The following CALN1 variants were observed in gnomAD, a reference collection of about 807,000 sequenced individuals.
The protein encoded by CALN1 is calcium-binding protein 8.
CALN1 carries 17 observed loss-of-function variants against 30.6 expected under a neutral mutation model. That is an observed-to-expected ratio of 0.56 (90% CI 0.38 to 0.83). CALN1 has a LOEUF of 0.83. CALN1 is among the 40% of genes least tolerant of loss of function. CALN1 has a pLI of 0.00. For missense variants in CALN1, 291 were observed against 354.9 expected (o/e 0.82, Z 1.45); for synonymous variants, 156 against 131.4 (o/e 1.19, Z -1.28).
chr7:72,402,840 T>TTGA (rs1806434029), intron 2 of CALN1, among the ~76,000 whole-genome samples: 1 of 152,216 alleles, frequency 6.6e-6, no homozygotes, highest in South Asian at 2.1e-4. Flanking sequence ...TCAGTCAAGC[T>TTGA]GCCTGTTTGT....
At chr7:72,163,125 A>T (rs888572834) in intron 3 of CALN1, among the ~76,000 whole-genome samples, 11 of 152,200 alleles carry the variant, frequency 7.2e-5, no homozygotes, top group African/African-American at 2.2e-4. Context: ...AGATTGGCAA[A>T]ACGTTTGGAA....
chr7:72,053,882 T>C (rs116449217), intron 4 of CALN1, among the ~76,000 whole-genome samples: 4 of 147,778 alleles, frequency 2.7e-5, no homozygotes, highest in African/African-American at 9.9e-5. Context: ...GGTGAGAACA[T>C]ACGATGCTTA....
At chr7:72,363,057 G>A (rs1261802458) in intron 2 of CALN1, among the ~76,000 whole-genome samples, 1 of 152,100 alleles carries the variant, frequency 6.6e-6, no homozygotes, top group Non-Finnish European at 1.5e-5. Flanking sequence ...AGTTCAGGGG[G>A]TACATGTGAA....
intron 4 of CALN1, among the ~76,000 whole-genome samples, chr7:72,103,500 T>C (rs150270715): frequency 1.3e-4 from 20 of 152,288 alleles, no homozygotes; most frequent in South Asian, 4.2e-4. Context: ...GCTCTACTTA[T>C]GGGGCTACTT....
intron 3 of CALN1, among the ~76,000 whole-genome samples, chr7:72,106,939 GA>G (rs1428884317): frequency 2.0e-5 from 3 of 146,846 alleles, no homozygotes; most frequent in Non-Finnish European, 4.5e-5. Context: ...GGCAGACAAG[GA>G]AAAAAAGAAA....
At chr7:72,472,491 GGT>G in the CALN1 span, among the ~76,000 whole-genome samples, 3 of 152,106 alleles carry the variant, frequency 2.0e-5, no homozygotes, top group Admixed American at 2.0e-4. Context: ...TGCAACGAAA[GGT>G]GTGTCTCGAG....
chr7:72,034,795 CAAAAAAAAAAA>C (rs57756121), intron 4 of CALN1, among the ~76,000 whole-genome samples: 3 of 52,632 alleles, frequency 5.7e-5, no homozygotes, highest in Admixed American at 2.5e-4. Context: ...GACTCTGTCT[CAAAAAAAAAAA>C]AAAAAAAAAA....
Position 72,429,018 on chromosome 7 carries a change from G to C in CALN1, c.-225-16743C>G, listed in dbSNP as rs566392190. Among the ~76,000 whole-genome samples, 6 of 152,244 alleles carry C rather than the reference G, an allele frequency of 3.9e-5. No individual in the cohort carries two copies. The South Asian group carries it at 1.2e-3, about 32-fold the overall frequency. ...CAAATAGACATTTCAGCTGCTGTCC[G>C]GCCTGGCTAACTTGGTACTAAAACA... is the stretch of plus-strand genomic sequence containing the variant. On this transcript the variant is annotated intron_variant, in intron 1 of 6. Transcript: ENST00000395276.
At chr7:72,173,332 T>C (rs1249910587) in intron 3 of CALN1, among the ~76,000 whole-genome samples, 1 of 152,136 alleles carries the variant, frequency 6.6e-6, no homozygotes, top group African/African-American at 2.4e-5. Flanking sequence ...TGAATATATA[T>C]ATATATCATG....
chr7:72,261,487 C>T (rs928974944), intron 3 of CALN1, among the ~76,000 whole-genome samples: 10 of 151,558 alleles, frequency 6.6e-5, no homozygotes, highest in African/African-American at 1.2e-4. Context: ...GGCTGGAGTG[C>T]GATCATAGCT....
chr7:72,291,051 G>A (rs915816699), intron 2 of CALN1, among the ~76,000 whole-genome samples: 1 of 151,774 alleles, frequency 6.6e-6, no homozygotes, highest in Non-Finnish European at 1.5e-5. Context: ...AGCATTCCAA[G>A]TAGCTGGGAT....
At chr7:72,168,397 T>C (rs180915468) in intron 3 of CALN1, among the ~76,000 whole-genome samples, 2 of 152,274 alleles carry the variant, frequency 1.3e-5, no homozygotes, top group South Asian at 2.1e-4. Context: ...ATGCAGAAAA[T>C]TGCATGCATA....
At position 71,821,788 on chromosome 7, in the gene CALN1, C is replaced by T. The variant is rs6969499; in HGVS notation, c.502-11296G>A. Among the ~76,000 whole-genome samples the T allele has an allele frequency of 1.8e-3, 168 of 95,786 alleles. 2 individuals carry two copies. The highest frequency in any genetic ancestry group is 9.2e-3 in the East Asian group (8 of 874). The allele number at this position is 95,786 out of a possible 152,430, so 62.8% of individuals were successfully genotyped here. On this transcript the variant is annotated intron_variant, in intron 5 of 6. Transcript: ENST00000395275. ...TGTGAATTCTGCTAAATGTTTCTTTCTTTTTTTTTTTTTTTTTGAGTCAGG... is the reference window on the plus strand; with the variant it reads ...TGTGAATTCTGCTAAATGTTTCTTTTTTTTTTTTTTTTTTTTTGAGTCAGG...
At chr7:72,370,118 G>A (rs1386622462) in intron 2 of CALN1, among the ~76,000 whole-genome samples, 1 of 152,086 alleles carries the variant, frequency 6.6e-6, no homozygotes, top group Non-Finnish European at 1.5e-5. Flanking sequence ...ACTCTACATT[G>A]TCACCAGAAC....
At chr7:72,320,813 C>T (rs541736111) in intron 2 of CALN1, among the ~76,000 whole-genome samples, 26 of 123,586 alleles carry the variant, frequency 2.1e-4, no homozygotes, top group South Asian at 1.6e-3. Flanking sequence ...CTAGCCTGGG[C>T]GACAGAGCGA....
At chr7:72,391,090 G>A (rs556539771) in intron 2 of CALN1, among the ~76,000 whole-genome samples, 2 of 152,230 alleles carry the variant, frequency 1.3e-5, no homozygotes, top group African/African-American at 4.8e-5. Flanking sequence ...TATGCTGTGT[G>A]TTAATCGGCT....
intron 5 of CALN1, among the ~76,000 whole-genome samples, chr7:71,880,617 C>T (rs772289103): frequency 7.2e-5 from 11 of 152,146 alleles, no homozygotes; most frequent in Non-Finnish European, 1.3e-4. Context: ...CAACTGCTTA[C>T]GAAACATCTC....
intron 3 of CALN1, among the ~76,000 whole-genome samples, chr7:72,130,335 G>GC (rs377616268): frequency 3.3e-5 from 5 of 152,166 alleles, no homozygotes; most frequent in African/African-American, 9.7e-5. Context: ...GATGTGGAAT[G>GC]ACCTGCAAGA....
intron 3 of CALN1, among the ~76,000 whole-genome samples, chr7:72,222,960 G>T (rs1354960429): frequency 6.6e-6 from 1 of 152,148 alleles, no homozygotes; most frequent in Non-Finnish European, 1.5e-5. Flanking sequence ...GTTAGAGGCT[G>T]CAGTGAGCTA....
Sources: allele counts gnomAD v4.1 joint callset (sites outside exome capture counted in the v4.1 genomes callset), GRCh38; gene constraint gnomAD v4.1.1; transcripts MANE v1.5; gene names NCBI Gene and HGNC (gene_info 2026-07-23, HGNC 2026-07-21).